The following PPFIA2 variants were observed in gnomAD, a reference collection of about 807,000 sequenced individuals.
PPFIA2 encodes PPFI scaffold protein A2.
Under a neutral mutation model 175.5 loss-of-function variants are expected in PPFIA2, and 46 were observed. That is an observed-to-expected ratio of 0.26 (90% CI 0.21 to 0.34). The LOEUF (loss-of-function observed/expected upper bound fraction) is 0.34, where lower values mean the gene tolerates loss of function less well. PPFIA2 is among the 10% of genes least tolerant of loss of function. The pLI is 1.00. For missense variants in PPFIA2, 1,179 were observed against 1,506.1 expected, an observed-to-expected ratio of 0.78 and a Z score of 3.60; for synonymous variants, 568 against 511.4, an observed-to-expected ratio of 1.11 and a Z score of -1.49.
intron 4 of PPFIA2, among the ~76,000 whole-genome samples, chr12:81,613,492 A>C (rs1258214118): frequency 6.6e-6 from 1 of 152,102 alleles, no homozygotes; most frequent in African/African-American, 2.4e-5. Context: ...ACTCAATAAA[A>C]TATTTCTTCT....
At chr12:81,431,239 A>C (rs2048041102) in intron 7 of PPFIA2, 1 of 152,344 alleles carries the variant, frequency 6.6e-6, no homozygotes, top group South Asian at 2.1e-4. Flanking sequence ...TTAATTACAT[A>C]ATTTTAAAAG....
chr12:81,548,621 T>C (rs2067367244), intron 4 of PPFIA2, among the ~76,000 whole-genome samples: 1 of 152,042 alleles, frequency 6.6e-6, no homozygotes, highest in Non-Finnish European at 1.5e-5. Flanking sequence ...ACATGCACCA[T>C]CCCACCTGGC....
At chr12:81,574,925 G>T (rs2073240072) in intron 4 of PPFIA2, among the ~76,000 whole-genome samples, 1 of 151,754 alleles carries the variant, frequency 6.6e-6, no homozygotes, top group East Asian at 1.9e-4. Flanking sequence ...TCATGGAATT[G>T]TATTAAAACT....
intron 4 of PPFIA2, among the ~76,000 whole-genome samples, chr12:81,536,501 A>G (rs2153317684): frequency 6.6e-6 from 1 of 151,394 alleles, no homozygotes; most frequent in East Asian, 1.9e-4. Flanking sequence ...TTTATTACAG[A>G]AAATTAAAAA....
At chr12:81,643,538 G>T (rs978525463) in intron 4 of PPFIA2, among the ~76,000 whole-genome samples, 1 of 151,898 alleles carries the variant, frequency 6.6e-6, no homozygotes, top group African/African-American at 2.4e-5. Flanking sequence ...GATAAATATT[G>T]TTATAACCAA....
At chr12:81,475,173 G>A (rs193242892) in intron 4 of PPFIA2, among the ~76,000 whole-genome samples, 9 of 152,198 alleles carry the variant, frequency 5.9e-5, no homozygotes, top group Admixed American at 5.2e-4. Context: ...AACTCTGTGA[G>A]AACCAGAACT....
chr12:81,601,074 T>TAGCTGGAAAG (rs1567526171), intron 4 of PPFIA2, among the ~76,000 whole-genome samples: 31 of 151,940 alleles, frequency 2.0e-4, no homozygotes, highest in African/African-American at 7.2e-4. Flanking sequence ...TATGAATCTT[T>TAGCTGGAAAG]CCAGCCAATA....
At chr12:81,308,193 C>T (rs1426043778) in intron 22 of PPFIA2, among the ~76,000 whole-genome samples, 1 of 152,094 alleles carries the variant, frequency 6.6e-6, no homozygotes, top group African/African-American at 2.4e-5. Context: ...AGTTCATATT[C>T]TTATAAGATG....
At chr12:81,465,915 C>T (rs2055529995) in intron 4 of PPFIA2, among the ~76,000 whole-genome samples, 1 of 152,134 alleles carries the variant, frequency 6.6e-6, no homozygotes, top group Non-Finnish European at 1.5e-5. Flanking sequence ...CATTATATCA[C>T]TATGTATATG....
At chr12:81,349,729 A>G (rs986344976) in intron 17 of PPFIA2, among the ~76,000 whole-genome samples, 2 of 152,180 alleles carry the variant, frequency 1.3e-5, no homozygotes, top group African/African-American at 4.8e-5. Context: ...AGACAGCCAA[A>G]CCTAGAGGAA....
intron 4 of PPFIA2, among the ~76,000 whole-genome samples, chr12:81,462,235 G>C (rs1215911622): frequency 7.4e-6 from 1 of 135,464 alleles, no homozygotes; most frequent in African/African-American, 2.6e-5. Flanking sequence ...TGACATTATT[G>C]TCTGCCATGC....
chr12:81,328,875 G>A (rs894590605), intron 21 of PPFIA2, among the ~76,000 whole-genome samples: 2 of 142,798 alleles, frequency 1.4e-5, no homozygotes, highest in Admixed American at 1.5e-4. Context: ...GTGCAGTGGT[G>A]CCATCAGAGC....
chr12:81,665,874 G>A (rs2070123881), intron 4 of PPFIA2, among the ~76,000 whole-genome samples: 1 of 151,948 alleles, frequency 6.6e-6, no homozygotes, highest in African/African-American at 2.4e-5. Context: ...ATCTGACAAA[G>A]GGCTAATATC....
chr12:81,610,297 A>G (rs552563221), intron 4 of PPFIA2, among the ~76,000 whole-genome samples: 3 of 152,122 alleles, frequency 2.0e-5, no homozygotes, highest in Non-Finnish European at 4.4e-5. Flanking sequence ...CTCTAGTGAG[A>G]TTAGGAGAAT....
chr12:81,374,832 C>T, intron 10 of PPFIA2, 64 bp from the exon 11 acceptor site: 1 of 1,470,074 alleles, frequency 6.8e-7, no homozygotes, highest in Non-Finnish European at 9.3e-7. Flanking sequence ...ACACCAGTCG[C>T]CAGGGGCTTT....
chr12:81,545,364 T>C (rs764102248), intron 4 of PPFIA2: 3 of 152,168 alleles, frequency 2.0e-5, no homozygotes, highest in Non-Finnish European at 2.9e-5. Context: ...GCAGTTGTTG[T>C]TCTCGGGTCA....
At chr12:81,434,269 T>C (rs923308710) in intron 7 of PPFIA2, among the ~76,000 whole-genome samples, 2 of 152,054 alleles carry the variant, frequency 1.3e-5, no homozygotes, top group African/African-American at 4.8e-5. Context: ...AATAGATCAT[T>C]ATGTTATCAG....
chr12:81,613,109 AT>A (rs1239267470), intron 4 of PPFIA2, among the ~76,000 whole-genome samples: 1 of 152,174 alleles, frequency 6.6e-6, no homozygotes, highest in Non-Finnish European at 1.5e-5. Flanking sequence ...GAATCATTTT[AT>A]TATATGCTGT....
chr12:81,646,938 A>G (rs75583658), intron 4 of PPFIA2, among the ~76,000 whole-genome samples: 1 of 152,056 alleles, frequency 6.6e-6, no homozygotes, highest in Admixed American at 6.6e-5. Flanking sequence ...AAGGAAAAAA[A>G]GTTCTAGTGT....
Sources: allele counts gnomAD v4.1 joint callset (sites outside exome capture counted in the v4.1 genomes callset), GRCh38; gene constraint gnomAD v4.1.1; transcripts MANE v1.5; gene names NCBI Gene and HGNC (gene_info 2026-07-23, HGNC 2026-07-21).